Variants in CTNND2 observed in about 807,000 individuals in gnomAD.
The protein encoded by CTNND2 is catenin delta-2.
Under a neutral mutation model 144.4 loss-of-function variants are expected in CTNND2, and 22 were observed. The observed-to-expected ratio is 0.15, with a 90% CI of 0.11 to 0.22. The LOEUF (loss-of-function observed/expected upper bound fraction) is 0.22. CTNND2 is among the 10% of genes least tolerant of loss of function. The pLI is 1.00. For synonymous variants in CTNND2, 751 were observed against 695.6 expected, an observed-to-expected ratio of 1.08 and a Z score of -1.25; for missense variants, 1,353 against 1,618.8, an observed-to-expected ratio of 0.84 and a Z score of 2.82.
chr5:11,260,241 G>A (rs1391432468), intron 9 of CTNND2, among the ~76,000 whole-genome samples: 3 of 152,182 alleles, frequency 2.0e-5, no homozygotes, highest in Non-Finnish European at 2.9e-5. Context: ...AGGATAAATG[G>A]ACAGAATGTT....
intron 2 of CTNND2, among the ~76,000 whole-genome samples, chr5:11,666,622 C>T (rs1163932418): frequency 6.6e-6 from 1 of 152,142 alleles, no homozygotes; most frequent in African/African-American, 2.4e-5. Context: ...CTTTATGCCA[C>T]TGAGTCTTAG....
At chr5:11,262,777 A>C (rs1283865376) in intron 9 of CTNND2, among the ~76,000 whole-genome samples, 1 of 148,476 alleles carries the variant, frequency 6.7e-6, no homozygotes, top group African/African-American at 2.5e-5. Flanking sequence ...AAAAAAAAAA[A>C]AAAAAAAAAA....
chr5:11,589,685 T>C (rs1779109976), intron 2 of CTNND2, among the ~76,000 whole-genome samples: 2 of 152,194 alleles, frequency 1.3e-5, no homozygotes, highest in Admixed American at 6.5e-5. Flanking sequence ...GTCTTTTACC[T>C]GATTCTTTCT....
At chr5:11,279,635 C>T (rs1183622491) in intron 9 of CTNND2, among the ~76,000 whole-genome samples, 2 of 152,184 alleles carry the variant, frequency 1.3e-5, no homozygotes, top group Admixed American at 6.5e-5. Context: ...TCATCCATTG[C>T]TATAAAGAAA....
At chr5:11,751,763 G>T (rs1171486487) in intron 1 of CTNND2, among the ~76,000 whole-genome samples, 1 of 151,860 alleles carries the variant, frequency 6.6e-6, no homozygotes, top group East Asian at 1.9e-4. Context: ...TGACACTTCT[G>T]CTTTAACTTC....
chr5:11,150,262 C>T (rs369655887), intron 12 of CTNND2, among the ~76,000 whole-genome samples: 19 of 152,284 alleles, frequency 1.2e-4, no homozygotes, highest in African/African-American at 4.1e-4. Context: ...GAGCCTCCAC[C>T]GCCCCCGCCT....
intron 1 of CTNND2, among the ~76,000 whole-genome samples, chr5:11,772,003 A>T (rs946720760): frequency 6.6e-6 from 1 of 152,160 alleles, no homozygotes; most frequent in Admixed American, 6.5e-5. Flanking sequence ...CAGTTACTTC[A>T]TTGTTTTATG....
At chr5:11,588,837 C>A (rs754478155) in intron 2 of CTNND2, 4 of 985,316 alleles carry the variant, frequency 4.1e-6, no homozygotes, top group Non-Finnish European at 4.8e-6. Flanking sequence ...CTCTTCCCTC[C>A]TTCCCCAGGC....
intron 2 of CTNND2, among the ~76,000 whole-genome samples, chr5:11,578,472 T>G (rs922848688): frequency 6.6e-6 from 1 of 151,688 alleles, no homozygotes; most frequent in African/African-American, 2.4e-5. Context: ...GCCAGCCTGG[T>G]CAGCATGGTG....
At chr5:11,196,185 A>G (rs1357677651) in intron 11 of CTNND2, among the ~76,000 whole-genome samples, 1 of 152,234 alleles carries the variant, frequency 6.6e-6, no homozygotes, top group Non-Finnish European at 1.5e-5. Context: ...GGCACTCTTG[A>G]CATCATAGGT....
chr5:11,852,669 G>A (rs1447424755), intron 1 of CTNND2, among the ~76,000 whole-genome samples: 2 of 152,212 alleles, frequency 1.3e-5, no homozygotes, highest in Non-Finnish European at 2.9e-5. Flanking sequence ...TTTACATGCA[G>A]TGGGAAACAG....
At chr5:11,044,255 G>A (rs995804098) in intron 16 of CTNND2, among the ~76,000 whole-genome samples, 32 of 152,142 alleles carry the variant, frequency 2.1e-4, no homozygotes, top group Admixed American at 1.0e-3. Flanking sequence ...TGTCAAGCCC[G>A]TTTGGCATGA....
intron 1 of CTNND2, among the ~76,000 whole-genome samples, chr5:11,856,455 A>G (rs73743291): frequency 3.4e-4 from 52 of 152,294 alleles, no homozygotes; most frequent in African/African-American, 1.2e-3. Context: ...GTTTCTCTGT[A>G]TTTGACAAAC....
intron 12 of CTNND2, among the ~76,000 whole-genome samples, chr5:11,125,869 T>A (rs1237808669): frequency 2.0e-5 from 3 of 152,250 alleles, no homozygotes; most frequent in African/African-American, 4.8e-5. Flanking sequence ...TCCACTCGTA[T>A]TAATGAACCA....
chr5:11,173,506 T>G (rs1560968702), intron 11 of CTNND2, among the ~76,000 whole-genome samples: 1 of 152,214 alleles, frequency 6.6e-6, no homozygotes, highest in Non-Finnish European at 1.5e-5. Flanking sequence ...TGATGAGAGC[T>G]GATGTGCAGG....
chr5:11,251,968 G>T (rs1017855868), intron 9 of CTNND2, among the ~76,000 whole-genome samples: 38 of 152,170 alleles, frequency 2.5e-4, no homozygotes, highest in African/African-American at 8.4e-4. Context: ...TATAAATTTT[G>T]GGGAAAACAT....
chr5:11,629,259 A>AAACAAC (rs36078228), intron 2 of CTNND2, among the ~76,000 whole-genome samples: 2 of 151,790 alleles, frequency 1.3e-5, no homozygotes, highest in African/African-American at 2.4e-5. Flanking sequence ...CGGAAAAGTT[A>AAACAAC]AACAACAACA....
At chr5:11,539,820 G>A (rs1057160527) in intron 3 of CTNND2, among the ~76,000 whole-genome samples, 1 of 152,156 alleles carries the variant, frequency 6.6e-6, no homozygotes, top group African/African-American at 2.4e-5. Flanking sequence ...GATCACCTGA[G>A]GTCAGGAGTT....
At chr5:11,736,466 T>C (rs1787687936) in intron 1 of CTNND2, among the ~76,000 whole-genome samples, 1 of 152,200 alleles carries the variant, frequency 6.6e-6, no homozygotes, top group South Asian at 2.1e-4. Context: ...TGATTCATAA[T>C]TTTTTTAATC....
Sources: gnomAD v4.1 joint callset for allele counts (sites outside exome capture counted in the v4.1 genomes callset) on GRCh38, gnomAD v4.1.1 for gene constraint, MANE v1.5 for transcripts, NCBI Gene and HGNC (gene_info 2026-07-23, HGNC 2026-07-21) for gene names.